Variants in LARGE1 observed in about 807,000 individuals in gnomAD.
The protein encoded by LARGE1 is LARGE xylosyl- and glucuronyltransferase 1.
Under a neutral mutation model 87.6 loss-of-function variants are expected in LARGE1, and 43 were observed. That is an observed-to-expected ratio of 0.49 (90% CI 0.38 to 0.63). The LOEUF (loss-of-function observed/expected upper bound fraction) is 0.63, where lower values mean the gene tolerates loss of function less well. LARGE1 is among the 30% of genes least tolerant of loss of function. The probability of loss-of-function intolerance (pLI) is 0.00; values close to 1 mark genes in which losing one functional copy is unlikely to be tolerated. For synonymous variants in LARGE1, 434 were observed against 394.6 expected, an observed-to-expected ratio of 1.10 and a Z score of -1.18; for missense variants, 802 against 1,000.2, an observed-to-expected ratio of 0.80 and a Z score of 2.67.
At chr22:33,712,063 G>A (rs1036786952) in intron 2 of LARGE1, among the ~76,000 whole-genome samples, 1 of 152,140 alleles carries the variant, frequency 6.6e-6, no homozygotes, top group Non-Finnish European at 1.5e-5. Context: ...ATTTTATAAA[G>A]GCAGAAGTCC....
intron 9 of LARGE1, among the ~76,000 whole-genome samples, chr22:33,363,130 A>G (rs552930046): frequency 1.3e-5 from 2 of 150,140 alleles, no homozygotes; most frequent in African/African-American, 2.4e-5. Context: ...TTGGAGTAGC[A>G]GAGTGTGAGC....
intron 11 of LARGE1, among the ~76,000 whole-genome samples, chr22:33,314,609 T>C (rs1283111756): frequency 6.6e-6 from 1 of 152,218 alleles, no homozygotes; most frequent in Non-Finnish European, 1.5e-5. Flanking sequence ...TTAGCTCATT[T>C]AATCCTTAGA....
chr22:33,886,840 A>G (rs902044999), intron 1 of LARGE1, among the ~76,000 whole-genome samples: 3 of 152,132 alleles, frequency 2.0e-5, no homozygotes, highest in Non-Finnish European at 4.4e-5. Flanking sequence ...ATACAGTGGC[A>G]AGGAAAACGA....
At chr22:33,496,979 G>A (rs1014365355) in intron 6 of LARGE1, among the ~76,000 whole-genome samples, 1 of 151,846 alleles carries the variant, frequency 6.6e-6, no homozygotes, top group Non-Finnish European at 1.5e-5. Context: ...TCTTTCTGAA[G>A]AAATCTGATA....
chr22:33,183,427 A>G (rs58641502), intron 11 of LARGE1, among the ~76,000 whole-genome samples: 1 of 152,154 alleles, frequency 6.6e-6, no homozygotes, highest in Non-Finnish European at 1.5e-5. Flanking sequence ...GAAATTCTTC[A>G]AAAAAATTAA....
intron 6 of LARGE1, among the ~76,000 whole-genome samples, chr22:33,469,425 G>A (rs1327193191): frequency 6.6e-6 from 1 of 151,492 alleles, no homozygotes; most frequent in African/African-American, 2.4e-5. Flanking sequence ...ACACACTAAC[G>A]CAGGAACACA....
chr22:33,451,089 C>T (rs1308988583), intron 6 of LARGE1, among the ~76,000 whole-genome samples: 2 of 152,322 alleles, frequency 1.3e-5, no homozygotes, highest in African/African-American at 4.8e-5. Context: ...CCAAGGACAA[C>T]ACAGCTACAA....
chr22:33,223,941 G>A (rs1925585669), intron 11 of LARGE1, among the ~76,000 whole-genome samples: 1 of 152,140 alleles, frequency 6.6e-6, no homozygotes, highest in African/African-American at 2.4e-5. Flanking sequence ...ATCCTCGTAT[G>A]CTCACAGCCA....
intron 3 of LARGE1, among the ~76,000 whole-genome samples, chr22:33,628,424 C>G (rs1423506358): frequency 6.6e-6 from 1 of 151,064 alleles, no homozygotes; most frequent in African/African-American, 2.4e-5. Flanking sequence ...TCAAGTGATT[C>G]TCCTGCCTCA....
chr22:33,815,104 T>C, intron 1 of LARGE1, among the ~76,000 whole-genome samples: 1 of 152,148 alleles, frequency 6.6e-6, no homozygotes, highest in East Asian at 1.9e-4. Flanking sequence ...TGAATATATC[T>C]AGAAAAACAG....
At chr22:33,353,260 T>G (rs1054186232) in intron 9 of LARGE1, among the ~76,000 whole-genome samples, 4 of 152,240 alleles carry the variant, frequency 2.6e-5, no homozygotes, top group Admixed American at 2.0e-4. Context: ...ATGTTTAAAG[T>G]CTTGTGAAAG....
chr22:33,560,715 G>A (rs925744856), intron 6 of LARGE1, among the ~76,000 whole-genome samples: 7 of 152,108 alleles, frequency 4.6e-5, no homozygotes, highest in Non-Finnish European at 1.0e-4. Flanking sequence ...AGTGGACAGA[G>A]CACAGACTCC....
intron 11 of LARGE1, among the ~76,000 whole-genome samples, chr22:33,176,380 G>T (rs920551512): frequency 6.6e-6 from 1 of 152,004 alleles, no homozygotes; most frequent in South Asian, 2.1e-4. Flanking sequence ...CTACAGAATG[G>T]GAGAAAATTT....
chr22:33,094,707 T>C, the LARGE1 span, among the ~76,000 whole-genome samples: 9 of 152,314 alleles, frequency 5.9e-5, no homozygotes, highest in South Asian at 1.9e-3. Context: ...CTCTCCCGTG[T>C]TCTTTTTTGT....
intron 1 of LARGE1, among the ~76,000 whole-genome samples, chr22:33,883,076 T>C (rs2064744481): frequency 6.6e-6 from 1 of 152,222 alleles, no homozygotes; most frequent in South Asian, 2.1e-4. Context: ...TATGCTCGGA[T>C]GCCAATGCCG....
intron 5 of LARGE1, among the ~76,000 whole-genome samples, chr22:33,602,278 TTTTC>T (rs761036937): frequency 6.6e-6 from 1 of 152,146 alleles, no homozygotes; most frequent in African/African-American, 2.4e-5. Context: ...TCACTTTGTA[TTTTC>T]TTTTTCTTTT....
intron 5 of LARGE1, among the ~76,000 whole-genome samples, chr22:33,593,782 G>A (rs9607060): frequency 0.085 from 12,950 of 152,166 alleles, 682 homozygotes; most frequent in African/African-American, 0.14. Flanking sequence ...AAAATTAAAT[G>A]AGATGTATTA....
intron 6 of LARGE1, among the ~76,000 whole-genome samples, chr22:33,557,784 C>T (rs2077736780): frequency 6.6e-6 from 1 of 152,158 alleles, no homozygotes. Flanking sequence ...CCAGGCTGGT[C>T]TTCAACTCCT....
the LARGE1 span, among the ~76,000 whole-genome samples, chr22:33,132,639 C>A: frequency 7.1e-4 from 107 of 151,626 alleles, no homozygotes; most frequent in African/African-American, 2.5e-3. Context: ...GAACACACAG[C>A]ACTTAAATTA....
Sources: gnomAD v4.1 joint callset for allele counts (sites outside exome capture counted in the v4.1 genomes callset) on GRCh38, gnomAD v4.1.1 for gene constraint, MANE v1.5 for transcripts, NCBI Gene and HGNC (gene_info 2026-07-23, HGNC 2026-07-21) for gene names.